Variants in POLD1 observed in about 807,000 individuals in gnomAD.
The protein encoded by POLD1 is DNA polymerase delta catalytic subunit.
In POLD1, 79 loss-of-function variants were observed where a neutral mutation model predicts 129.7. The ratio of observed to expected loss-of-function variants is 0.61; its 90% CI spans 0.51 to 0.73. POLD1 has a LOEUF of 0.73. POLD1 is among the 30% of genes least tolerant of loss of function. The probability of loss-of-function intolerance (pLI) is 0.00; values close to 1 mark genes in which losing one functional copy is unlikely to be tolerated. For missense variants in POLD1, 1,338 were observed against 1,595.8 expected (o/e 0.84, Z 2.75); for synonymous variants, 714 against 683.3 (o/e 1.04, Z -0.70).
chr19:50,384,703 G>T (rs1286079817), intron 1 of POLD1, among the ~76,000 whole-genome samples: 1 of 152,182 alleles, frequency 6.6e-6, no homozygotes, highest in Non-Finnish European at 1.5e-5. Flanking sequence ...GGATTCGCTG[G>T]GTGTTTGAGT....
intron 14 of POLD1, 187 bp from the exon 15 acceptor site, chr19:50,408,598 A>G: frequency 1.1e-6 from 1 of 875,574 alleles, no homozygotes; most frequent in Non-Finnish European, 1.7e-6. Context: ...GCCCAGGCTG[A>G]TCTGAAACTC....
Position 50,407,361 on chromosome 19 carries a change from A to C in POLD1, c.1721A>C (p.Lys574Thr). 3 of 1,612,904 alleles carry C rather than the reference A, an allele frequency of 1.9e-6. No individual in the cohort carries two copies. Among genetic ancestry groups the C allele is most frequent in the Non-Finnish European group, 2.5e-6 (3 of 1,179,570 alleles). The stretch of plus-strand genomic sequence containing the variant: ...GAGGGGCTGCTGATGCCCGTGGTGA[A>C]GTCAGAGGGCGGCGAGGACTACACG... The part of the protein sequence containing the change: ...MHEGLLMPVV[K>T]SEGGEDYTGA... The change falls in exon 14 of 27, where the codon AAG becomes ACG. Residue 574 changes from lysine (K) to threonine (T), a missense_variant. By Grantham distance (78) the Lys-to-Thr change is moderately conservative (BLOSUM62 -1). This residue lies in a region of POLD1 where 720 missense variants were observed against 1,002.6 expected (regional missense o/e 0.72). Transcript: ENST00000440232.
intron 1 of POLD1, among the ~76,000 whole-genome samples, chr19:50,395,876 C>CTTTTTTTTTTTTT (rs774272686): frequency 1.4e-5 from 1 of 73,658 alleles, no homozygotes; most frequent in African/African-American, 5.6e-5. Context: ...AGGATATATA[C>CTTTTTTTTTTTTT]TTTTTTTTTT....
At position 50,417,772 on chromosome 19, in the gene POLD1, C is replaced by G. The variant is rs558381808; in HGVS notation, c.3219-70C>G. ...CGGGGACCAAAGTCCTGGGAACAGC[C>G]CCCACCCCTCTCCCAGGCTGGGCAC... On this transcript the variant is annotated intron_variant, in intron 26 of 26. Coordinates refer to ENST00000440232, the MANE Select transcript of POLD1 (RefSeq NM_002691.4). 1.1e-4 allele frequency: 102 copies of G among 960,548 alleles called. No homozygotes were observed. In the Admixed American group the frequency reaches 2.0e-3, roughly 19 times the overall value. 59.5% of individuals were successfully genotyped at this position (960,548 alleles called of 1,614,324 possible).
chr19:50,404,574 CTTTTTTTTTTT>C (rs71182717), intron 10 of POLD1, among the ~76,000 whole-genome samples: 1 of 77,868 alleles, frequency 1.3e-5, no homozygotes. Flanking sequence ...TTTTCTCTTT[CTTTTTTTTTTT>C]TTTTTTTTTT....
chr19:50,403,789 T>G (rs917619324), intron 10 of POLD1, among the ~76,000 whole-genome samples, 192 bp downstream of exon 10: 16 of 152,220 alleles, frequency 1.1e-4, no homozygotes, highest in African/African-American at 3.9e-4. Context: ...GTGGCTTTTA[T>G]CAGAGGCAAG....
At chr19:50,395,539 G>T (rs983825767) in intron 1 of POLD1, among the ~76,000 whole-genome samples, 1 of 151,352 alleles carries the variant, frequency 6.6e-6, no homozygotes, top group African/African-American at 2.4e-5. Flanking sequence ...AGCCGAGATC[G>T]CGCCACCGCA....
At chr19:50,390,033 C>T (rs1241499821) in intron 1 of POLD1, among the ~76,000 whole-genome samples, 2 of 151,602 alleles carry the variant, frequency 1.3e-5, no homozygotes, top group East Asian at 1.9e-4. Flanking sequence ...CTCAGCCTCC[C>T]GAGTAGCTAG....
intron 10 of POLD1, among the ~76,000 whole-genome samples, chr19:50,405,201 G>A (rs936782597): frequency 2.6e-5 from 4 of 152,158 alleles, no homozygotes; most frequent in African/African-American, 9.7e-5. Context: ...GTGAGCCAGT[G>A]CACCTAGCCC....
intron 14 of POLD1, 37 bp downstream of exon 14, chr19:50,407,452 T>G: frequency 7.1e-7 from 1 of 1,411,742 alleles, no homozygotes; most frequent in Non-Finnish European, 9.7e-7. Context: ...TTACCTGTAA[T>G]CTCTGGGAGG....
intron 3 of POLD1, among the ~76,000 whole-genome samples, chr19:50,399,745 G>T (rs1373952955): frequency 6.6e-6 from 1 of 152,216 alleles, no homozygotes; most frequent in Admixed American, 6.5e-5. Flanking sequence ...TGCATACGTA[G>T]TAGCTGCAGC....
chr19:50,416,399 C>T lies in POLD1; in HGVS notation c.2824C>T (p.Pro942Ser), dbSNP rs1203736050. 5 of 1,549,048 alleles carry T rather than the reference C, an allele frequency of 3.2e-6. No individual in the cohort carries two copies. The highest frequency in any genetic ancestry group is 4.4e-6 in the Non-Finnish European group (5 of 1,147,084). The change falls in exon 23 of 27, where the codon CCG becomes TCG. Residue 942 changes from proline (P) to serine (S), a missense_variant. Pro to Ser is a moderately conservative substitution (Grantham distance 74). Around this residue, in one of 3 missense-constraint regions of POLD1, gnomAD observed 286 missense variants for 277.5 expected, o/e 1.03. Coordinates refer to ENST00000440232, the MANE Select transcript of POLD1 (RefSeq NM_002691.4). ...GVAAYMKSED[P>S]LFVLEHSLPI... ...TGTGACTGCCATGTGGCCGCAGGAC[C>T]CGCTGTTCGTGCTGGAGCACAGCCT... is the stretch of plus-strand genomic sequence containing the variant.
chr19:50,389,068 T>C (rs1029523009), intron 1 of POLD1, among the ~76,000 whole-genome samples: 1 of 151,824 alleles, frequency 6.6e-6, no homozygotes, highest in Non-Finnish European at 1.5e-5. Context: ...CCTGACCTTA[T>C]GATCTACGTG....
chr19:50,411,707 G>A (rs1334343603), intron 17 of POLD1, among the ~76,000 whole-genome samples: 2 of 152,060 alleles, frequency 1.3e-5, no homozygotes, highest in African/African-American at 4.8e-5. Flanking sequence ...AGGAGTGGTG[G>A]CAGGTGCCTC....
intron 14 of POLD1, 108 bp from the exon 15 acceptor site, chr19:50,408,677 C>T (rs2038984692): frequency 6.6e-7 from 1 of 1,516,714 alleles, no homozygotes; most frequent in African/African-American, 1.4e-5. Flanking sequence ...GCACTGCTCC[C>T]AGCCAATGAA....
At position 50,416,491 on chromosome 19, in the gene POLD1, C is replaced by T; in HGVS notation, c.2916C>T (p.Pro972=). 1.3e-6 allele frequency: 2 copies of T among 1,552,256 alleles called. No homozygotes were observed. Among genetic ancestry groups the T allele is most frequent in the Non-Finnish European group, 1.7e-6 (2 of 1,148,718 alleles). ...LAKPLLRIFE[P]ILGEGRAEAV... The stretch of plus-strand genomic sequence containing the variant: ...AGCCCCTCCTGCGCATCTTCGAGCC[C>T]ATCCTGGGCGAGGGCCGTGCCGAGG... The change falls in exon 23 of 27, where the codon CCC becomes CCT. Residue 972 remains proline (P), a synonymous_variant. Transcript: ENST00000440232.
chr19:50,416,608 AG>A lies in POLD1; in HGVS notation c.2959del, dbSNP rs756872503. 9 of 1,558,756 alleles carry A rather than the reference AG, an allele frequency of 5.8e-6. No individual in the cohort carries two copies. Among genetic ancestry groups the A allele is most frequent in the South Asian group, 3.5e-5 (3 of 85,110 alleles). On this transcript the variant is annotated splice_acceptor_variant, in intron 23 of 26. Transcript: ENST00000440232. LOFTEE classifies it high-confidence loss of function. ...GCCCACCACCTGCCTCCTCTCCTGC[AG>A]GGGGGGACCACACGCGCTGCAAGAC...
chr19:50,401,929 G>T lies in POLD1; in HGVS notation c.463+5G>T, dbSNP rs2122235351. ...TCTACACCCCAGCGCCCCCTGGTGA[G>T]TGGCCCCTACCCAGCCCCTCCCTGA... On this transcript the variant is annotated splice_donor_5th_base_variant and intron_variant, in intron 4 of 26. Coordinates refer to ENST00000440232, the MANE Select transcript of POLD1 (RefSeq NM_002691.4). 1.2e-6 allele frequency: 2 copies of T among 1,614,066 alleles called. No homozygotes were observed. Among genetic ancestry groups the T allele is most frequent in the Non-Finnish European group, 1.7e-6 (2 of 1,179,964 alleles).
intron 1 of POLD1, among the ~76,000 whole-genome samples, chr19:50,386,884 C>T (rs561563230): frequency 1.3e-5 from 2 of 152,340 alleles, no homozygotes; most frequent in South Asian, 4.1e-4. Flanking sequence ...TAGCAAGACC[C>T]TGTCTCTACA....
Sources: gnomAD v4.1 joint callset for allele counts (sites outside exome capture counted in the v4.1 genomes callset) on GRCh38, gnomAD v4.1.1 for gene constraint, gnomAD v4.1.1 regional missense constraint, MANE v1.5 for transcripts, NCBI Gene and HGNC (gene_info 2026-07-23, HGNC 2026-07-21) for gene names.